TRAK1: variants seen among roughly 807,000 people sequenced by gnomAD.
TRAK1 encodes trafficking kinesin protein 1.
Under a neutral mutation model 92.1 loss-of-function variants are expected in TRAK1, and 33 were observed. The observed-to-expected ratio is 0.36, with a 90% CI of 0.27 to 0.48. The LOEUF (loss-of-function observed/expected upper bound fraction) is 0.48, where lower values mean the gene tolerates loss of function less well. TRAK1 is among the 20% of genes least tolerant of loss of function. The probability of loss-of-function intolerance (pLI) is 0.99; values close to 1 mark genes in which losing one functional copy is unlikely to be tolerated. For synonymous variants in TRAK1, 521 were observed against 517.3 expected (o/e 1.01, Z -0.10); for missense variants, 1,123 against 1,257.9 (o/e 0.89, Z 1.62).
chr3:42,066,447 A>G (rs4973903), intron 1 of TRAK1, among the ~76,000 whole-genome samples: 101,998 of 151,156 alleles, frequency 0.67, 34,851 homozygotes, highest in South Asian at 0.82. Context: ...GAGAGAGAGC[A>G]CCCAGCGTGG....
intron 1 of TRAK1, among the ~76,000 whole-genome samples, chr3:42,047,200 CTTTTTTTTTTTT>C (rs561224807): frequency 1.2e-4 from 13 of 107,144 alleles, no homozygotes; most frequent in Non-Finnish European, 2.3e-4. Flanking sequence ...AAAAACTGAT[CTTTTTTTTTTTT>C]TTTTTTTTTT....
intron 1 of TRAK1, among the ~76,000 whole-genome samples, chr3:42,022,735 CA>C (rs77456467): frequency 4.1e-4 from 8 of 19,662 alleles, no homozygotes; most frequent in Admixed American, 1.9e-3. Context: ...AAAAAAAAAA[CA>C]AAAACAAAAA....
chr3:42,101,650 A>T (rs949984030), intron 1 of TRAK1, among the ~76,000 whole-genome samples: 1 of 152,214 alleles, frequency 6.6e-6, no homozygotes, highest in Non-Finnish European at 1.5e-5. Context: ...GTTGCAGCAC[A>T]TGAAGCAGCC....
At chr3:42,087,767 A>G (rs1704752622), upstream of TRAK1, among the ~76,000 whole-genome samples, 1 of 152,238 alleles carries the variant, frequency 6.6e-6, no homozygotes, top group East Asian at 1.9e-4. Context: ...TTCTTCAGAT[A>G]TAAGACAGGT....
intron 1 of TRAK1, among the ~76,000 whole-genome samples, chr3:42,071,819 C>T (rs752441810): frequency 6.6e-6 from 1 of 151,912 alleles, no homozygotes; most frequent in Non-Finnish European, 1.5e-5. Flanking sequence ...CATCCTGCTT[C>T]GGGACATCTA....
intron 2 of TRAK1, among the ~76,000 whole-genome samples, chr3:42,135,278 T>G (rs1267539901): frequency 6.6e-6 from 1 of 152,186 alleles, no homozygotes; most frequent in Admixed American, 6.5e-5. Context: ...GTACAGAGGG[T>G]GGAGCCCAGT....
chr3:42,208,678 C>T lies in TRAK1; in HGVS notation c.1745-1089C>T, dbSNP rs535477688. The stretch of plus-strand genomic sequence containing the variant: ...AGGAAGCCTCCTGCCTTTCGGTGCC[C>T]GAGAACCTCTTCAGAAGTCTCTCCT... On this transcript the variant is annotated intron_variant, in intron 13 of 15. Transcript: ENST00000327628. Among the ~76,000 whole-genome samples, 10 of 152,322 alleles carry T rather than the reference C, an allele frequency of 6.6e-5. No homozygotes were observed. The East Asian group carries it at 1.5e-3, about 24-fold the overall frequency.
At chr3:42,170,759 T>C (rs17221240) in intron 2 of TRAK1, among the ~76,000 whole-genome samples, 23,786 of 151,922 alleles carry the variant, frequency 0.16, 2,120 homozygotes, top group Non-Finnish European at 0.21. Context: ...ATTAAAGAAA[T>C]GACCTATATG....
At chr3:42,026,977 A>G (rs1186162690) in intron 1 of TRAK1, among the ~76,000 whole-genome samples, 1 of 152,184 alleles carries the variant, frequency 6.6e-6, no homozygotes, top group Non-Finnish European at 1.5e-5. Flanking sequence ...TCTACAGGAA[A>G]TGGGCTCTTA....
At chr3:42,038,803 GTTTTTTTTTTT>G (rs35147167) in intron 1 of TRAK1, among the ~76,000 whole-genome samples, 1 of 96,766 alleles carries the variant, frequency 1.0e-5, no homozygotes, top group African/African-American at 4.5e-5. Context: ...AAAAAAAAAA[GTTTTTTTTTTT>G]TTTTTTTTTG....
intron 1 of TRAK1, among the ~76,000 whole-genome samples, chr3:42,018,872 C>T (rs749591544): frequency 6.6e-6 from 1 of 152,130 alleles, no homozygotes; most frequent in Non-Finnish European, 1.5e-5. Context: ...GCCTATAATC[C>T]CAGCACTTTG....
At chr3:42,164,252 A>G (rs182399400) in intron 2 of TRAK1, among the ~76,000 whole-genome samples, 1 of 152,344 alleles carries the variant, frequency 6.6e-6, no homozygotes, top group East Asian at 1.9e-4. Flanking sequence ...GTGTTTCTAC[A>G]TTGTCAACTT....
intron 1 of TRAK1, among the ~76,000 whole-genome samples, chr3:42,037,450 G>A (rs1323836442): frequency 3.9e-5 from 6 of 152,220 alleles, no homozygotes; most frequent in Non-Finnish European, 7.3e-5. Flanking sequence ...CCTGGCAAGT[G>A]TTGAGTCAAT....
Position 42,063,014 on chromosome 3 carries a change from C to T in TRAK1, c.-518-24090C>T, listed in dbSNP as rs79220914. Among the ~76,000 whole-genome samples the T allele has an allele frequency of 8.5e-3, 1,296 of 152,320 alleles. 24 individuals carry two copies. The highest frequency in any genetic ancestry group is 0.029 in the African/African-American group (1,221 of 41,564). On this transcript the variant is annotated intron_variant, in intron 1 of 16. Transcript: ENST00000487159. ...CTTCAGAAATTTTAAGAAACTCAAA[C>T]AAGGTCACACTGGTAGTGAGTAGTA... is the stretch of plus-strand genomic sequence containing the variant.
chr3:42,116,278 C>T (rs1325005620), intron 1 of TRAK1, among the ~76,000 whole-genome samples: 1 of 152,238 alleles, frequency 6.6e-6, no homozygotes, highest in Admixed American at 6.5e-5. Flanking sequence ...TGTCCTTTTC[C>T]ATTCAATGAG....
chr3:42,063,206 G>A (rs1330831185), intron 1 of TRAK1, among the ~76,000 whole-genome samples: 5 of 152,236 alleles, frequency 3.3e-5, no homozygotes, highest in African/African-American at 9.6e-5. Flanking sequence ...CTACAACTGC[G>A]GAATTGCAAC....
At chr3:42,028,016 A>G (rs957647344) in intron 1 of TRAK1, among the ~76,000 whole-genome samples, 1 of 151,938 alleles carries the variant, frequency 6.6e-6, no homozygotes, top group Non-Finnish European at 1.5e-5. Context: ...TGCCCAGCTG[A>G]TTTTTTGTAT....
At chr3:42,217,207 C>T in intron 14 of TRAK1, 1 of 982,096 alleles carries the variant, frequency 1.0e-6, no homozygotes, top group Non-Finnish European at 1.2e-6. Flanking sequence ...TGATCCCAGT[C>T]TTGGGTGACT....
intron 2 of TRAK1, among the ~76,000 whole-genome samples, chr3:42,131,666 C>T (rs373819805): frequency 5.9e-5 from 9 of 151,836 alleles, no homozygotes; most frequent in East Asian, 1.9e-4. Context: ...TGCAGTGAGC[C>T]GAGATTGTGC....
Sources: allele counts gnomAD v4.1 joint callset (sites outside exome capture counted in the v4.1 genomes callset), GRCh38; gene constraint gnomAD v4.1.1; transcripts MANE v1.5; gene names NCBI Gene and HGNC (gene_info 2026-07-23, HGNC 2026-07-21).